ALDH1L1: variants seen among roughly 807,000 people sequenced by gnomAD.
The protein encoded by ALDH1L1 is aldehyde dehydrogenase 1 family member L1.
Under a neutral mutation model 101.1 loss-of-function variants are expected in ALDH1L1, and 68 were observed. The observed-to-expected ratio is 0.67, with a 90% CI of 0.55 to 0.82. The LOEUF (loss-of-function observed/expected upper bound fraction) is 0.82, where lower values mean the gene tolerates loss of function less well. ALDH1L1 is among the 40% of genes least tolerant of loss of function. The pLI is 0.00. For synonymous variants in ALDH1L1, 486 were observed against 470.8 expected (o/e 1.03, Z -0.42); for missense variants, 1,087 against 1,172.7 (o/e 0.93, Z 1.07).
intron 8 of ALDH1L1, among the ~76,000 whole-genome samples, chr3:126,148,284 T>C (rs1391642251): frequency 6.6e-6 from 1 of 152,192 alleles, no homozygotes; most frequent in Non-Finnish European, 1.5e-5. Context: ...GAGTCTGGAC[T>C]ACAGGGAGAG....
Position 126,153,707 on chromosome 3 carries a change from G to A in ALDH1L1, c.721-126C>T, listed in dbSNP as rs551030917. 6 of 1,243,852 alleles carry A rather than the reference G, an allele frequency of 4.8e-6. No individual in the cohort carries two copies. In the South Asian group the frequency reaches 7.7e-5, roughly 16 times the overall value. 77.1% of individuals were successfully genotyped at this position (1,243,852 alleles called of 1,614,324 possible). ...AGGGGTAGCTGAGACCTGGGAGCCG[G>A]CTCAAAGCCCATGTGACCCCTGAGG... On this transcript the variant is annotated intron_variant, in intron 6 of 22. Transcript: ENST00000393434.
At chr3:126,159,854 T>C (rs2081004520) in intron 2 of ALDH1L1, among the ~76,000 whole-genome samples, 1 of 151,900 alleles carries the variant, frequency 6.6e-6, no homozygotes, top group Non-Finnish European at 1.5e-5. Context: ...AGTGTTGGAG[T>C]TGATTCTAGG....
chr3:126,161,405 C>T (rs1459908596), intron 1 of ALDH1L1, among the ~76,000 whole-genome samples: 1 of 152,248 alleles, frequency 6.6e-6, no homozygotes, highest in Non-Finnish European at 1.5e-5. Context: ...TGCCACATCT[C>T]TCAAATGGCT....
intron 9 of ALDH1L1, among the ~76,000 whole-genome samples, chr3:126,141,231 A>C (rs2080561291): frequency 6.6e-6 from 1 of 152,088 alleles, no homozygotes; most frequent in Non-Finnish European, 1.5e-5. Flanking sequence ...ATTCATACAC[A>C]CCTAACACAG....
chr3:126,164,675 G>A (rs1352381061), intron 1 of ALDH1L1, among the ~76,000 whole-genome samples: 1 of 152,200 alleles, frequency 6.6e-6, no homozygotes. Context: ...GTCCAACGAC[G>A]AACATACAAG....
intron 8 of ALDH1L1, among the ~76,000 whole-genome samples, chr3:126,149,360 C>A (rs2080762325): frequency 6.6e-6 from 1 of 151,922 alleles, no homozygotes; most frequent in Admixed American, 6.5e-5. Context: ...GACTTGGCTG[C>A]AGCTGTTGTA....
Position 126,157,465 on chromosome 3 carries a change from A to G in ALDH1L1, c.406T>C (p.Trp136Arg). 6 of 1,614,080 alleles carry G rather than the reference A, an allele frequency of 3.7e-6. No individual in the cohort carries two copies. The highest frequency in any genetic ancestry group is 5.1e-6 in the Non-Finnish European group (6 of 1,179,998). The stretch of plus-strand genomic sequence containing the variant: ...CCGGTGTCCAGACCATCATCCGCCC[A>G]GAAGATGGAAAACCCCCCTTTCTTA... Reference protein sequence around the residue: ...GDKKGGFSIFWADDGLDTGDL... With the variant: ...GDKKGGFSIFRADDGLDTGDL... The change falls in exon 4 of 23, where the codon TGG becomes CGG. Residue 136 changes from tryptophan (W) to arginine (R), a missense_variant. By Grantham distance (101) the Trp-to-Arg change is moderately radical (BLOSUM62 -3). Transcript: ENST00000393434.
At chr3:126,178,522 T>C (rs1025809747) in intron 1 of ALDH1L1, among the ~76,000 whole-genome samples, 3 of 152,110 alleles carry the variant, frequency 2.0e-5, no homozygotes, top group Admixed American at 1.3e-4. Flanking sequence ...AAAACTGCTC[T>C]AAAAATGTCT....
intron 14 of ALDH1L1, 76 bp downstream of exon 14, chr3:126,130,147 C>G (rs1012723428): frequency 7.2e-6 from 10 of 1,387,876 alleles, no homozygotes; most frequent in Non-Finnish European, 9.6e-7. Flanking sequence ...TGTGAGCTCC[C>G]GCAGGCTGTG....
chr3:126,165,307 TG>T (rs1480067570), intron 1 of ALDH1L1, among the ~76,000 whole-genome samples: 1 of 152,252 alleles, frequency 6.6e-6, no homozygotes, highest in African/African-American at 2.4e-5. Flanking sequence ...TTTGATGTGC[TG>T]CTGGATTTGG....
intron 13 of ALDH1L1, 130 bp downstream of exon 13, chr3:126,131,254 G>T: frequency 8.4e-7 from 1 of 1,189,870 alleles, no homozygotes; most frequent in Non-Finnish European, 1.2e-6. Context: ...TAATAAACAG[G>T]TGTCATTCCA....
chr3:126,124,110 G>GACACACACACACACACACACAC (rs3841921), intron 16 of ALDH1L1, among the ~76,000 whole-genome samples: 20 of 148,900 alleles, frequency 1.3e-4, no homozygotes, highest in African/African-American at 4.9e-4. Context: ...AGGGCGCGCG[G>GACACACACACACACACACACAC]ACACACACAC....
chr3:126,107,446 G>A lies in ALDH1L1; in HGVS notation c.2348-200C>T, dbSNP rs75642525. Among the ~76,000 whole-genome samples the A allele has an allele frequency of 4.6e-3, 707 of 152,328 alleles. 4 individuals carry two copies. The highest frequency in any genetic ancestry group is 5.8e-3 in the Non-Finnish European group (395 of 68,028). On this transcript the variant is annotated intron_variant, in intron 20 of 22. Transcript: ENST00000393434. ...CTTGTTCTTTGATGTGGGTCTCACC[G>A]TGCTTTTAACGGAGTGCTGTTGAGG...
chr3:126,194,052 C>T (rs2108355708), intron 1 of ALDH1L1, among the ~76,000 whole-genome samples: 1 of 152,222 alleles, frequency 6.6e-6, no homozygotes, highest in South Asian at 2.1e-4. Context: ...GTGAAGTTTT[C>T]AAAAACTGCA....
intron 22 of ALDH1L1, chr3:126,104,236 G>A: frequency 4.0e-6 from 1 of 251,220 alleles, no homozygotes; most frequent in Non-Finnish European, 7.7e-6. Context: ...CTGGGAAAAG[G>A]GGATGCCTCG....
At chr3:126,136,389 G>A (rs61231094) in intron 11 of ALDH1L1, among the ~76,000 whole-genome samples, 9,086 of 152,194 alleles carry the variant, frequency 0.06, 857 homozygotes, top group African/African-American at 0.2. Context: ...GACTCAGGTC[G>A]AAGAAGAATG....
At position 126,118,049 on chromosome 3, in the gene ALDH1L1, G is replaced by T. The variant is rs750190923; in HGVS notation, c.1938C>A (p.Ile646=). The change falls in exon 17 of 23, where the codon ATC becomes ATA. Residue 646 remains isoleucine (I), a synonymous_variant. Coordinates refer to ENST00000393434, the MANE Select transcript of ALDH1L1 (RefSeq NM_012190.4). ...CCACCTCTGTGGAGCCTGTGAACCC[G>T]ATTTTCCTCACATCAGGATGGTCTG... ...RLSDHPDVRK[I]GFTGSTEVGK... 2 of 1,613,538 alleles carry T rather than the reference G, an allele frequency of 1.2e-6. No homozygotes were observed. Among genetic ancestry groups the T allele is most frequent in the Non-Finnish European group, 1.7e-6 (2 of 1,179,766 alleles).
intron 1 of ALDH1L1, among the ~76,000 whole-genome samples, chr3:126,177,541 A>G (rs1278909857): frequency 6.6e-6 from 1 of 151,896 alleles, no homozygotes; most frequent in Non-Finnish European, 1.5e-5. Context: ...AGTGGTTGCC[A>G]GGGATAGGTA....
upstream of ALDH1L1, chr3:126,181,130 C>G: frequency 1.2e-6 from 1 of 846,468 alleles, no homozygotes; most frequent in Non-Finnish European, 1.9e-6. Context: ...CCCTGGTTTT[C>G]TCTCTGCAAT....
Sources: gnomAD v4.1 joint callset for allele counts (sites outside exome capture counted in the v4.1 genomes callset) on GRCh38, gnomAD v4.1.1 for gene constraint, MANE v1.5 for transcripts, NCBI Gene and HGNC (gene_info 2026-07-23, HGNC 2026-07-21) for gene names.